Variants in RALGPS1 observed in about 807,000 individuals in gnomAD.
RALGPS1 encodes ras-specific guanine nucleotide-releasing factor RalGPS1.
RALGPS1 carries 19 observed loss-of-function variants against 78.8 expected under a neutral mutation model. The ratio of observed to expected loss-of-function variants is 0.24; its 90% CI spans 0.17 to 0.35. RALGPS1 has a LOEUF of 0.35. Ranked by LOEUF, RALGPS1 falls within the 10% of genes least tolerant of loss-of-function variation. The pLI is 1.00. For missense variants in RALGPS1, 454 were observed against 688.3 expected, an observed-to-expected ratio of 0.66 and a Z score of 3.81; for synonymous variants, 228 against 256.3, an observed-to-expected ratio of 0.89 and a Z score of 1.06.
chr9:127,056,493 A>G (rs1326227878), intron 7 of RALGPS1, among the ~76,000 whole-genome samples: 2 of 152,054 alleles, frequency 1.3e-5, no homozygotes, highest in Non-Finnish European at 1.5e-5. Context: ...CTCCCCTCTC[A>G]CTCACTCACA....
intron 18 of RALGPS1, chr9:127,217,257 T>C (rs2062636459): frequency 8.4e-7 from 1 of 1,184,618 alleles, no homozygotes; most frequent in East Asian, 3.8e-5. Flanking sequence ...TCTTCCTACT[T>C]TCCCCCTTTT....
chr9:127,207,629 C>T (rs1334058670), intron 14 of RALGPS1, among the ~76,000 whole-genome samples: 3 of 152,260 alleles, frequency 2.0e-5, no homozygotes, highest in Non-Finnish European at 4.4e-5. Context: ...CATTTCCAGA[C>T]ACTTTCGGTT....
intron 2 of RALGPS1, among the ~76,000 whole-genome samples, chr9:126,964,915 A>G (rs1327686801): frequency 6.6e-6 from 1 of 152,220 alleles, no homozygotes; most frequent in Non-Finnish European, 1.5e-5. Flanking sequence ...TCCCAGTCCA[A>G]GATGTTGAGG....
chr9:127,063,619 A>G (rs954881283), intron 7 of RALGPS1, among the ~76,000 whole-genome samples: 6 of 151,966 alleles, frequency 3.9e-5, no homozygotes, highest in African/African-American at 7.3e-5. Flanking sequence ...TAACATGCCA[A>G]TTTTGTCATT....
At chr9:126,969,897 T>C (rs1260846462) in intron 3 of RALGPS1, among the ~76,000 whole-genome samples, 1 of 152,190 alleles carries the variant, frequency 6.6e-6, no homozygotes. Flanking sequence ...CTGTCCCTGC[T>C]GGAGCTAGTA....
intron 1 of RALGPS1, among the ~76,000 whole-genome samples, chr9:126,924,979 T>G (rs1416704170): frequency 6.6e-6 from 1 of 151,964 alleles, no homozygotes; most frequent in Non-Finnish European, 1.5e-5. Context: ...TACAAAAAAT[T>G]AGCTGGGCAT....
chr9:127,098,261 A>G (rs1268019270), intron 8 of RALGPS1, among the ~76,000 whole-genome samples: 1 of 152,212 alleles, frequency 6.6e-6, no homozygotes, highest in African/African-American at 2.4e-5. Context: ...GCAGTGGGCA[A>G]AGCGCTCCCT....
chr9:127,168,831 C>G (rs1054160762), intron 10 of RALGPS1, 59 bp downstream of exon 10: 8 of 1,403,012 alleles, frequency 5.7e-6, no homozygotes, highest in African/African-American at 1.4e-5. Context: ...CCTTAGTGCT[C>G]AGGTCCCTGC....
chr9:127,173,028 G>C (rs1053549923), intron 10 of RALGPS1, among the ~76,000 whole-genome samples: 4 of 152,180 alleles, frequency 2.6e-5, no homozygotes, highest in African/African-American at 9.7e-5. Context: ...TGTGTGAGGG[G>C]GGAAACCCTT....
intron 4 of RALGPS1, among the ~76,000 whole-genome samples, chr9:127,011,533 G>T (rs892850949): frequency 1.3e-5 from 2 of 152,060 alleles, no homozygotes; most frequent in African/African-American, 4.8e-5. Context: ...ATTCAGTAGG[G>T]TGTATTAGAC....
chr9:127,097,984 TG>T (rs2053321332), intron 8 of RALGPS1, among the ~76,000 whole-genome samples: 1 of 152,254 alleles, frequency 6.6e-6, no homozygotes, highest in Non-Finnish European at 1.5e-5. Flanking sequence ...GGGAGCCAGC[TG>T]GGGCAGGTGC....
chr9:126,963,708 A>C (rs1443456679), intron 2 of RALGPS1, among the ~76,000 whole-genome samples: 2 of 152,216 alleles, frequency 1.3e-5, no homozygotes, highest in African/African-American at 4.8e-5. Flanking sequence ...TAGATGAGGA[A>C]GCTAAGGCAC....
chr9:127,051,301 A>G (rs894853394), intron 6 of RALGPS1, among the ~76,000 whole-genome samples: 2 of 152,228 alleles, frequency 1.3e-5, no homozygotes, highest in Non-Finnish European at 2.9e-5. Context: ...GTGCCCACCC[A>G]TGGAATTCAA....
At position 126,926,802 on chromosome 9, in the gene RALGPS1, G is replaced by A. The variant is rs567494591; in HGVS notation, c.-66+11827G>A. Among the ~76,000 whole-genome samples the A allele has an allele frequency of 2.0e-5, 3 of 152,264 alleles. No homozygotes were observed. The South Asian group carries it at 6.2e-4, about 32-fold the overall frequency. On this transcript the variant is annotated intron_variant, in intron 1 of 18. Transcript: ENST00000259351. ...GGGGTCCTGGCTAGGTGGATGGGGA[G>A]GAGAAGGCAGGTTCAAAAGAAACTG...
chr9:127,196,651 A>C lies in RALGPS1; in HGVS notation c.1195+20A>C. The C allele has an allele frequency of 6.4e-7, 1 of 1,568,554 alleles. No individual in the cohort carries two copies. Among genetic ancestry groups the C allele is most frequent in the South Asian group, 1.2e-5 (1 of 85,464 alleles). ...CCCTAGGTAAGCGTCTCCGGCCTGC[A>C]CATGATAGGCTGGTGGGCTGTAGGC... is the stretch of plus-strand genomic sequence containing the variant. On this transcript the variant is annotated intron_variant, in intron 13 of 18. Coordinates refer to ENST00000259351, the MANE Select transcript of RALGPS1 (RefSeq NM_014636.3).
intron 8 of RALGPS1, among the ~76,000 whole-genome samples, chr9:127,093,034 C>T (rs905540437): frequency 2.0e-5 from 3 of 152,096 alleles, no homozygotes; most frequent in African/African-American, 7.2e-5. Context: ...CATAACAGAA[C>T]CTCCCTCAGG....
At chr9:127,042,942 A>G (rs1361165152) in intron 5 of RALGPS1, among the ~76,000 whole-genome samples, 2 of 152,174 alleles carry the variant, frequency 1.3e-5, no homozygotes, top group Non-Finnish European at 2.9e-5. Flanking sequence ...AAACCATAAA[A>G]CTTAGATATA....
At chr9:126,938,604 C>G (rs2036481405) in intron 1 of RALGPS1, among the ~76,000 whole-genome samples, 1 of 152,210 alleles carries the variant, frequency 6.6e-6, no homozygotes, top group Non-Finnish European at 1.5e-5. Flanking sequence ...GGGTTGATGG[C>G]TTCTTATTTG....
At chr9:127,171,717 C>CCA (rs1271851479) in intron 10 of RALGPS1, among the ~76,000 whole-genome samples, 1 of 152,118 alleles carries the variant, frequency 6.6e-6, no homozygotes, top group Admixed American at 6.5e-5. Flanking sequence ...TGAGATTGCG[C>CCA]CACTGCACTC....
Sources: gnomAD v4.1 joint callset for allele counts (sites outside exome capture counted in the v4.1 genomes callset) on GRCh38, gnomAD v4.1.1 for gene constraint, MANE v1.5 for transcripts, NCBI Gene and HGNC (gene_info 2026-07-23, HGNC 2026-07-21) for gene names.